The following MYO5A variants were observed in gnomAD, a reference collection of about 807,000 sequenced individuals.
MYO5A encodes myosin VA, also known as unconventional myosin-Va.
In MYO5A, 98 loss-of-function variants were observed where a neutral mutation model predicts 249.7. The ratio of observed to expected loss-of-function variants is 0.39; its 90% confidence interval spans 0.33 to 0.46. The LOEUF (loss-of-function observed/expected upper bound fraction) is 0.46. Among genes scored for constraint, MYO5A ranks in the 20% least tolerant of loss-of-function variants. The pLI is 0.98. For missense variants in MYO5A, 1,696 were observed against 2,308.8 expected (o/e 0.73, Z 5.44); for synonymous variants, 778 against 810.6 (o/e 0.96, Z 0.68).
rs775132365 is a variant in MYO5A at position 52,317,081 on chromosome 15, A to G, written c.5376T>C (p.Ile1792=). 1.9e-6 allele frequency: 3 copies of G among 1,614,134 alleles called. No individual in the cohort carries two copies. The highest frequency in any genetic ancestry group is 2.5e-6 in the Non-Finnish European group (3 of 1,180,000). ...TAGTTAAAGCATTGCACATAGAACA[A>G]ATGGCTTCTGCATCATCATCTGTTT... The part of the protein sequence containing the change: ...KKKTDDDAEA[I]CSMCNALTTA... The change falls in exon 40 of 42, where the codon ATT becomes ATC. Residue 1792 remains isoleucine (I), a synonymous_variant. Transcript: ENST00000399233.
intron 1 of MYO5A, among the ~76,000 whole-genome samples, chr15:52,469,974 T>C (rs954799988): frequency 2.0e-5 from 3 of 152,236 alleles, no homozygotes; most frequent in Admixed American, 6.5e-5. Flanking sequence ...ATAATCTCTT[T>C]CATGATTTCC....
At chr15:52,447,068 G>A (rs1446998380) in intron 1 of MYO5A, among the ~76,000 whole-genome samples, 1 of 152,162 alleles carries the variant, frequency 6.6e-6, no homozygotes, top group Non-Finnish European at 1.5e-5. Flanking sequence ...TGCAATGTGA[G>A]AAGGACATGA....
At position 52,348,820 on chromosome 15, in the gene MYO5A, T is replaced by G; in HGVS notation, c.3856A>C (p.Lys1286Gln). 1.3e-6 allele frequency: 2 copies of G among 1,589,614 alleles called. No individual in the cohort carries two copies. Among genetic ancestry groups the G allele is most frequent in the Non-Finnish European group, 1.7e-6 (2 of 1,167,836 alleles). Residue 1286 changes from lysine (K) to glutamine (Q), a missense_variant and splice_region_variant, in exon 29 of 42, where the codon AAG becomes CAG. Transcript: ENST00000399233. ...AAAAAAAAAAAAGGTATAATTACCT[T>G]GTCATCCTGAGAATCACAAGTCAGC... ...QKEAIQPKDD[K>Q]NTMTDSTILL... is the part of the protein sequence containing the mutation.
intron 4 of MYO5A, among the ~76,000 whole-genome samples, chr15:52,422,992 G>A (rs927439267): frequency 3.3e-5 from 5 of 152,094 alleles, no homozygotes; most frequent in Non-Finnish European, 5.9e-5. Context: ...TTAAGTGATC[G>A]GCCTACAGAC....
chr15:52,346,441 T>G lies in MYO5A; in HGVS notation c.3879A>C (p.Thr1293=), dbSNP rs781445881. 8 of 1,597,132 alleles carry G rather than the reference T, an allele frequency of 5.0e-6. No individual in the cohort carries two copies. In the South Asian group the frequency reaches 8.8e-5, roughly 18 times the overall value. ...TTTTTTGTACATCTTCCAAAAGTATTGTGGAATCTGTCATTGTATTCTGAG... is the reference window on the plus strand; with the variant it reads ...TTTTTTGTACATCTTCCAAAAGTATGGTGGAATCTGTCATTGTATTCTGAG... ...KDDKNTMTDS[T]ILLEDVQKMK... Residue 1293 remains threonine, a synonymous_variant, in exon 30 of 42, where the codon ACA becomes ACC. Coordinates refer to ENST00000399233, the MANE Select transcript of MYO5A (RefSeq NM_001382347.1).
At chr15:52,432,995 T>C (rs1053486332) in intron 2 of MYO5A, among the ~76,000 whole-genome samples, 180 bp downstream of exon 2, 6 of 152,244 alleles carry the variant, frequency 3.9e-5, no homozygotes, top group African/African-American at 1.4e-4. Flanking sequence ...CACTAATCTA[T>C]GCCATTAAAA....
intron 1 of MYO5A, among the ~76,000 whole-genome samples, chr15:52,527,008 T>C (rs1018382095): frequency 1.4e-5 from 2 of 148,074 alleles, no homozygotes; most frequent in Non-Finnish European, 3.0e-5. Flanking sequence ...TAATGATAAA[T>C]GATGAGCTAA....
chr15:52,459,785 C>A (rs1028654553), intron 1 of MYO5A, among the ~76,000 whole-genome samples: 1 of 150,078 alleles, frequency 6.7e-6, no homozygotes, highest in Non-Finnish European at 1.5e-5. Context: ...GGGCGGCGGC[C>A]GGGCAGAGGG....
chr15:52,326,068 T>A (rs1312728522), intron 36 of MYO5A, among the ~76,000 whole-genome samples: 1 of 152,238 alleles, frequency 6.6e-6, no homozygotes, highest in African/African-American at 2.4e-5. Flanking sequence ...CTAGTTATGC[T>A]GCTTAGGGCC....
intron 1 of MYO5A, among the ~76,000 whole-genome samples, chr15:52,516,933 C>T (rs1162048032): frequency 6.6e-6 from 1 of 152,160 alleles, no homozygotes; most frequent in Non-Finnish European, 1.5e-5. Context: ...CAATTATTCT[C>T]TCTGGCACAG....
intron 9 of MYO5A, among the ~76,000 whole-genome samples, chr15:52,402,789 G>A (rs1469518801): frequency 6.6e-6 from 1 of 152,072 alleles, no homozygotes; most frequent in South Asian, 2.1e-4. Context: ...AGGTTGCAGT[G>A]AGCCAAGATC....
At chr15:52,337,923 T>C (rs1459514683) in intron 32 of MYO5A, 39 bp from the exon 33 acceptor site, 10 of 1,391,660 alleles carry the variant, frequency 7.2e-6, no homozygotes, top group East Asian at 5.0e-5. Flanking sequence ...TTTTTGTCTG[T>C]GTGTTTGAGG....
intron 1 of MYO5A, among the ~76,000 whole-genome samples, chr15:52,495,421 G>C (rs1459322625): frequency 6.6e-6 from 1 of 152,166 alleles, no homozygotes; most frequent in East Asian, 1.9e-4. Flanking sequence ...AGGAACTACT[G>C]GTCAAAAAAC....
intron 1 of MYO5A, among the ~76,000 whole-genome samples, chr15:52,460,016 G>A (rs899138691): frequency 5.3e-5 from 8 of 150,642 alleles, no homozygotes; most frequent in African/African-American, 2.0e-4. Flanking sequence ...ACGGGGTCGC[G>A]GCCGGGCAGA....
chr15:52,453,032 T>C (rs1366066816), intron 1 of MYO5A, among the ~76,000 whole-genome samples: 2 of 151,930 alleles, frequency 1.3e-5, no homozygotes, highest in Non-Finnish European at 2.9e-5. Flanking sequence ...AAGAGAAAAC[T>C]TTCCAAAACT....
chr15:52,441,429 G>C (rs1009687572), intron 1 of MYO5A, among the ~76,000 whole-genome samples: 2 of 152,042 alleles, frequency 1.3e-5, no homozygotes, highest in African/African-American at 4.8e-5. Flanking sequence ...CACTACTTAC[G>C]CTATTGAAGG....
intron 18 of MYO5A, 35 bp downstream of exon 18, chr15:52,379,587 CCTT>C (rs755774481): frequency 6.4e-7 from 1 of 1,566,736 alleles, no homozygotes; most frequent in African/African-American, 1.4e-5. Context: ...AACCACAAGG[CCTT>C]CTGCTCAGAT....
At chr15:52,494,681 T>G (rs1595789146) in intron 1 of MYO5A, among the ~76,000 whole-genome samples, 1 of 152,048 alleles carries the variant, frequency 6.6e-6, no homozygotes, top group East Asian at 1.9e-4. Flanking sequence ...TTAGTAGAGA[T>G]AGGTTTTTGC....
At position 52,321,488 on chromosome 15, in the gene MYO5A, ATGTGT is replaced by A. The variant is rs1255893243; in HGVS notation, c.4817_4821del (p.Asn1606IlefsTer5). The A allele has an allele frequency of 2.5e-6, 4 of 1,614,168 alleles. No homozygotes were observed. The highest frequency in any genetic ancestry group is 1.7e-5 in the Admixed American group (1 of 60,030). ...GTGAGGCAGTGTTCATTCTGGCGAG[ATGTGT>A]TGTGCTTCATAAAGCCCTAGAGTCA... On this transcript the variant is annotated frameshift_variant, in exon 38 of 42. Coordinates refer to ENST00000399233, the MANE Select transcript of MYO5A (RefSeq NM_001382347.1). LOFTEE classifies it high-confidence loss of function.
Sources: gnomAD v4.1 joint callset for allele counts (sites outside exome capture counted in the v4.1 genomes callset) on GRCh38, gnomAD v4.1.1 for gene constraint, MANE v1.5 for transcripts, NCBI Gene and HGNC (gene_info 2026-07-23, HGNC 2026-07-21) for gene names.